IKBIP: variants seen among roughly 807,000 people sequenced by gnomAD.
IKBIP encodes the protein IKBKB interacting protein.
Under a neutral mutation model 31.0 loss-of-function variants are expected in IKBIP, and 28 were observed. The ratio of observed to expected loss-of-function variants is 0.90; its 90% confidence interval spans 0.67 to 1.24. The LOEUF (loss-of-function observed/expected upper bound fraction) is 1.24. Among genes scored for constraint, IKBIP ranks in the 50% most tolerant of loss-of-function variants. The pLI, the probability that IKBIP is intolerant of heterozygous loss-of-function variation, is 0.00. For synonymous variants in IKBIP, 164 were observed against 160.3 expected, an observed-to-expected ratio of 1.02 and a Z score of -0.17; for missense variants, 453 against 441.9, an observed-to-expected ratio of 1.03 and a Z score of -0.23.
intron 1 of IKBIP, among the ~76,000 whole-genome samples, chr12:98,643,818 T>TTTTTTTTTTTTTTTCCTTTTC (rs2097634011): frequency 9.5e-4 from 34 of 35,678 alleles, no homozygotes; most frequent in African/African-American, 2.1e-3. Flanking sequence ...TATGGTTTTC[T>TTTTTTTTTTTTTTTCCTTTTC]TTTTTTTTTT....
chr12:98,636,491 G>A (rs903336194), intron 1 of IKBIP, among the ~76,000 whole-genome samples: 1 of 152,214 alleles, frequency 6.6e-6, no homozygotes, highest in Non-Finnish European at 1.5e-5. Context: ...AAGTGGTAAT[G>A]CTTTGAATTC....
At chr12:98,628,557 G>A (rs2097616951) in intron 2 of IKBIP, among the ~76,000 whole-genome samples, 1 of 152,182 alleles carries the variant, frequency 6.6e-6, no homozygotes, top group South Asian at 2.1e-4. Context: ...TTCTTCCATA[G>A]CCCTAGCCCT....
chr12:98,642,979 GTC>G (rs974498914), intron 1 of IKBIP, among the ~76,000 whole-genome samples: 2 of 150,890 alleles, frequency 1.3e-5, no homozygotes, highest in East Asian at 3.9e-4. Flanking sequence ...TTGAGATGGA[GTC>G]TCGCTCTGTT....
downstream of IKBIP, among the ~76,000 whole-genome samples, chr12:98,620,511 C>T (rs559483502): frequency 5.4e-4 from 82 of 151,984 alleles, no homozygotes; most frequent in African/African-American, 1.8e-3. Context: ...GGATTACAGA[C>T]GCTCACCACC....
downstream of IKBIP, chr12:98,624,244 C>T: frequency 1.0e-6 from 1 of 964,878 alleles, no homozygotes; most frequent in Non-Finnish European, 1.2e-6. Context: ...CAACAAAGTT[C>T]CAGCTTACTT....
chr12:98,634,821 T>C (rs1032922081), intron 1 of IKBIP, among the ~76,000 whole-genome samples: 1 of 150,740 alleles, frequency 6.6e-6, no homozygotes, highest in Admixed American at 6.6e-5. Context: ...GCTATTCTCC[T>C]GCCTCAGCCT....
At chr12:98,614,301 A>G (rs2097605060) in exon 3 of IKBIP, 2 of 1,596,788 alleles carry the variant, frequency 1.3e-6, no homozygotes, top group African/African-American at 1.3e-5. Flanking sequence ...ATTATTTGAA[A>G]AGACTTCAAT....
At chr12:98,627,365 A>T (rs373594245) in intron 2 of IKBIP, among the ~76,000 whole-genome samples, 3 of 151,840 alleles carry the variant, frequency 2.0e-5, no homozygotes, top group African/African-American at 7.2e-5. Context: ...AAGTAATGTT[A>T]AAGTGCCTGA....
intron 1 of IKBIP, among the ~76,000 whole-genome samples, chr12:98,640,723 C>T (rs1456728824): frequency 6.6e-6 from 1 of 151,858 alleles, no homozygotes; most frequent in Non-Finnish European, 1.5e-5. Context: ...TGGGTTTGGG[C>T]AACTTATCTC....
intron 2 of IKBIP, among the ~76,000 whole-genome samples, chr12:98,630,599 T>C (rs1277235160): frequency 6.6e-6 from 1 of 152,138 alleles, no homozygotes; most frequent in Non-Finnish European, 1.5e-5. Flanking sequence ...TTGGTTTCAT[T>C]ATACACTTCA....
At chr12:98,643,939 C>A (rs2097634448) in intron 1 of IKBIP, among the ~76,000 whole-genome samples, 4 of 151,546 alleles carry the variant, frequency 2.6e-5, no homozygotes, top group Admixed American at 2.6e-4. Context: ...CCTCAGCCTC[C>A]GGAGGAACTG....
intron 2 of IKBIP, among the ~76,000 whole-genome samples, chr12:98,632,399 T>C (rs1299600454): frequency 7.2e-6 from 1 of 138,760 alleles, no homozygotes; most frequent in African/African-American, 2.7e-5. Context: ...TGCTTGAGCC[T>C]GGGAGGTTGA....
chr12:98,614,232 T>TTA lies in IKBIP; in HGVS notation c.405_406insTA (p.Ile136Ter). ...TTCAGTATATCCTGTTTTTCAGTTATCCTATTGGACCAAGTTTTTACCTCA... is the reference window on the plus strand; with the variant it reads ...TTCAGTATATCCTGTTTTTCAGTTATTACCTATTGGACCAAGTTTTTACCTCA... On this transcript the variant is annotated frameshift_variant, in exon 3 of 3. Coordinates refer to the IKBIP transcript ENST00000342502. LOFTEE classifies it high-confidence loss of function. 6.2e-7 allele frequency: 1 copy of TTA among 1,613,778 alleles called. No individual in the cohort carries two copies. The highest frequency in any genetic ancestry group is 8.5e-7 in the Non-Finnish European group (1 of 1,179,874).
At position 98,626,331 on chromosome 12, in the gene IKBIP, G is replaced by A. The variant is rs769845101; in HGVS notation, c.733C>T (p.Gln245Ter). Residue 245 changes from glutamine (Q) to a stop codon, truncating the protein, a stop_gained, in exon 3 of 3, where the codon CAG (glutamine) becomes TAG (stop). Coordinates refer to ENST00000299157, the MANE Select transcript of IKBIP (RefSeq NM_153687.4). LOFTEE classifies it high-confidence loss of function. ...TCATCTCTGGCAAAGAGGGCATGCT[G>A]TTCCTCTTCTAACTTTTCAATTGCC... is the stretch of plus-strand genomic sequence containing the variant. ...TKAIEKLEEE[Q>*]HALFARDEDL... is the part of the protein sequence containing the mutation. The A allele has an allele frequency of 7.2e-5, 117 of 1,613,960 alleles. No individual in the cohort carries two copies. In the South Asian group the frequency reaches 1.2e-3, roughly 17 times the overall value.
chr12:98,619,329 CT>C (rs1413775841), downstream of IKBIP, among the ~76,000 whole-genome samples: 24 of 152,148 alleles, frequency 1.6e-4, no homozygotes, highest in African/African-American at 5.3e-4. Context: ...GTAAAAGTAG[CT>C]TAATAGCAAT....
rs199777597 is a variant in IKBIP, at chr12:98,626,692, T to C, written c.372A>G (p.Val124=). 1.4e-5 allele frequency: 22 copies of C among 1,614,084 alleles called. No homozygotes were observed. The highest frequency in any genetic ancestry group is 1.2e-4 in the Admixed American group (7 of 60,008). ...MSLMTQFEQE[V]SNLQDIMHDI... ...CATGCATGATATCTTGGAGGTTGGATACTTCCTGCTCAAACTGGGTCATCA... is the reference window on the plus strand; with the variant it reads ...CATGCATGATATCTTGGAGGTTGGACACTTCCTGCTCAAACTGGGTCATCA... The change falls in exon 3 of 3, where the codon GTA becomes GTG. Residue 124 remains valine, a synonymous_variant. Coordinates refer to ENST00000299157, the MANE Select transcript of IKBIP (RefSeq NM_153687.4).
downstream of IKBIP, among the ~76,000 whole-genome samples, chr12:98,623,408 G>A (rs931582879): frequency 7.4e-5 from 11 of 149,216 alleles, no homozygotes; most frequent in South Asian, 4.2e-4. Context: ...ACAGGGATGC[G>A]CTTTTTTTTG....
chr12:98,623,122 G>C (rs897742041), downstream of IKBIP, among the ~76,000 whole-genome samples: 1 of 150,830 alleles, frequency 6.6e-6, no homozygotes, highest in Admixed American at 6.6e-5. Flanking sequence ...GGGATTACAG[G>C]CGCCTGCTAC....
chr12:98,629,376 TCAAACAAACAAACAAA>T (rs61111913), intron 2 of IKBIP, among the ~76,000 whole-genome samples: 2 of 149,928 alleles, frequency 1.3e-5, no homozygotes, highest in Admixed American at 6.7e-5. Flanking sequence ...CCTGTCTCTA[TCAAACAAACAAACAAA>T]CAAACAAACA....
Sources: allele counts gnomAD v4.1 joint callset (sites outside exome capture counted in the v4.1 genomes callset), GRCh38; gene constraint gnomAD v4.1.1; transcripts MANE v1.5; gene names NCBI Gene and HGNC (gene_info 2026-07-23, HGNC 2026-07-21).